Variants in BRAF observed in about 807,000 individuals in gnomAD.
The protein encoded by BRAF is B-Raf proto-oncogene, serine/threonine kinase.
In BRAF, 16 loss-of-function variants were observed where a neutral mutation model predicts 104.6. The observed-to-expected ratio is 0.15, with a 90% CI of 0.10 to 0.23. BRAF has a LOEUF of 0.23. Among genes scored for constraint, BRAF ranks in the 10% least tolerant of loss-of-function variants. The pLI is 1.00. For synonymous variants in BRAF, 310 were observed against 341.6 expected, an observed-to-expected ratio of 0.91 and a Z score of 1.02; for missense variants, 541 against 937.3, an observed-to-expected ratio of 0.58 and a Z score of 5.52.
At position 140,888,993 on chromosome 7, in the gene BRAF, A is replaced by G. The variant is rs138793081; in HGVS notation, c.138+35573T>C. On this transcript the variant is annotated intron_variant, in intron 1 of 19. Coordinates refer to ENST00000644969, the MANE Select transcript of BRAF (RefSeq NM_001374258.1). ...CACGGAAGCTGCTAAACATCCTACA[A>G]TACATAGTATTATTGCCCCACCCAA... Among the ~76,000 whole-genome samples, 189 of 152,200 alleles carry G rather than the reference A, an allele frequency of 1.2e-3. 1 individual carries two copies. The highest frequency in any genetic ancestry group is 4.1e-3 in the African/African-American group (170 of 41,536).
intron 19 of BRAF, chr7:140,733,958 C>G (rs1428568421): frequency 1.0e-6 from 1 of 996,402 alleles, no homozygotes; most frequent in East Asian, 6.9e-5. Flanking sequence ...AGACATTTTA[C>G]TCATGTCAAA....
chr7:140,834,339 A>G (rs1277263013), intron 3 of BRAF: 1 of 575,206 alleles, frequency 1.7e-6, no homozygotes, highest in Admixed American at 3.1e-5. Context: ...ATCCTGATTT[A>G]TTTTAAACTA....
In BRAF at chr7:140,850,093, T is replaced by C. The variant is rs368584855; in HGVS notation, c.240+18A>G. ...TTTTTCTTTTCAAAATTACTAGATA[T>C]GATACTCAAAAGCTTACCTCCAGAT... On this transcript the variant is annotated intron_variant, in intron 2 of 19. Coordinates refer to ENST00000644969, the MANE Select transcript of BRAF (RefSeq NM_001374258.1). The C allele has an allele frequency of 1.5e-4, 237 of 1,534,038 alleles. No individual in the cohort carries two copies. Among genetic ancestry groups the C allele is most frequent in the Middle Eastern group, 1.3e-3 (6 of 4,562 alleles).
intron 1 of BRAF, among the ~76,000 whole-genome samples, chr7:140,874,915 G>C (rs970170599): frequency 1.3e-5 from 2 of 152,112 alleles, no homozygotes; most frequent in African/African-American, 4.8e-5. Flanking sequence ...TCATTTAAAA[G>C]TATGTGGCAC....
chr7:140,790,965 A>G (rs1386103400), intron 8 of BRAF, among the ~76,000 whole-genome samples: 1 of 152,118 alleles, frequency 6.6e-6, no homozygotes, highest in East Asian at 1.9e-4. Context: ...GCTGGGCATG[A>G]TGGCGGGAGC....
In BRAF at chr7:140,721,113, T is replaced by TTACATTGGCTGTGTCCTCA. The variant is rs1399787030; in HGVS notation, c.*5362_*5380dup. On this transcript the variant is annotated 3_prime_UTR_variant, in exon 20 of 20. Transcript: ENST00000644969. ...ACCTCTAAAAAATGGATACACTGGCTTACATTGGCTGTGTCCTCATACACA... is the reference window on the plus strand; with the variant it reads ...ACCTCTAAAAAATGGATACACTGGCTTACATTGGCTGTGTCCTCATACATTGGCTGTGTCCTCATACACA... 1.2e-5 allele frequency: 13 copies of TTACATTGGCTGTGTCCTCA among 1,064,654 alleles called. No homozygotes were observed. Among genetic ancestry groups the TTACATTGGCTGTGTCCTCA allele is most frequent in the Non-Finnish European group, 1.5e-5 (13 of 878,916 alleles). The allele number at this position is 1,064,654 out of a possible 1,614,324, so 66.0% of individuals were successfully genotyped here.
intron 2 of BRAF, among the ~76,000 whole-genome samples, chr7:140,838,663 T>C (rs774530830): frequency 2.0e-5 from 3 of 151,916 alleles, no homozygotes; most frequent in South Asian, 4.1e-4. Context: ...AACAATCTTA[T>C]AAAAGAAAAA....
intron 1 of BRAF, among the ~76,000 whole-genome samples, chr7:140,851,012 G>A (rs947373241): frequency 1.3e-5 from 2 of 152,106 alleles, no homozygotes; most frequent in African/African-American, 2.4e-5. Context: ...CAATTAAATA[G>A]GGAAATTCCT....
At chr7:140,865,357 C>A (rs1250337027) in intron 1 of BRAF, among the ~76,000 whole-genome samples, 1 of 152,114 alleles carries the variant, frequency 6.6e-6, no homozygotes, top group Non-Finnish European at 1.5e-5. Context: ...TGGGATTACA[C>A]ACATGAGCCA....
chr7:140,828,295 C>T (rs1024816951), intron 3 of BRAF, among the ~76,000 whole-genome samples: 1 of 152,052 alleles, frequency 6.6e-6, no homozygotes, highest in African/African-American at 2.4e-5. Flanking sequence ...AGTTCGCAGG[C>T]CATACAAAAA....
At chr7:140,855,411 AT>A in intron 1 of BRAF, among the ~76,000 whole-genome samples, 1 of 152,196 alleles carries the variant, frequency 6.6e-6, no homozygotes, top group East Asian at 1.9e-4. Context: ...ATAACTGATC[AT>A]TTTTAGTGAC....
At position 140,720,278 on chromosome 7, in the gene BRAF, G is replaced by T; in HGVS notation, c.*6216C>A. On this transcript the variant is annotated 3_prime_UTR_variant, in exon 20 of 20. Transcript: ENST00000644969. ...CTCAAAAATCAGGCGATATCATGAAGGCCAAACTGAGTCTATATATGTGGC... is the reference window on the plus strand; with the variant it reads ...CTCAAAAATCAGGCGATATCATGAATGCCAAACTGAGTCTATATATGTGGC... 1 of 1,062,824 alleles carries T rather than the reference G, an allele frequency of 9.4e-7. No homozygotes were observed. Among genetic ancestry groups the T allele is most frequent in the Non-Finnish European group, 1.1e-6 (1 of 877,786 alleles). The allele number at this position is 1,062,824 out of a possible 1,614,324, so 65.8% of individuals were successfully genotyped here. A position where few individuals can be genotyped will look rare whatever the true frequency, so the allele number is the denominator to read the frequency against.
chr7:140,742,626 A>G (rs1312450608), intron 17 of BRAF, among the ~76,000 whole-genome samples: 1 of 152,214 alleles, frequency 6.6e-6, no homozygotes, highest in Non-Finnish European at 1.5e-5. Context: ...TTTCCCTGTT[A>G]TAACTGCCCT....
intron 3 of BRAF, among the ~76,000 whole-genome samples, chr7:140,817,426 A>G (rs1286814396): frequency 6.6e-6 from 1 of 152,192 alleles, no homozygotes; most frequent in Non-Finnish European, 1.5e-5. Flanking sequence ...AACACCAAAG[A>G]CATTCTTCAC....
chr7:140,751,674 G>C (rs1019249350), intron 16 of BRAF, among the ~76,000 whole-genome samples: 1 of 152,150 alleles, frequency 6.6e-6, no homozygotes, highest in Non-Finnish European at 1.5e-5. Context: ...GATCTTCTAA[G>C]TCCAATGTCC....
intron 1 of BRAF, among the ~76,000 whole-genome samples, chr7:140,918,974 C>T (rs1228013331): frequency 2.6e-5 from 4 of 151,752 alleles, no homozygotes; most frequent in Non-Finnish European, 5.9e-5. Context: ...CCCGTCTCTA[C>T]TAAAAATACA....
rs566456002 is a variant in BRAF at position 140,721,216 on chromosome 7, AAACTT to A, written c.*5273_*5277del. 2.8e-6 allele frequency: 3 copies of A among 1,083,844 alleles called. No homozygotes were observed. The highest frequency in any genetic ancestry group is 3.4e-6 in the Non-Finnish European group (3 of 891,862). The allele number at this position is 1,083,844 out of a possible 1,614,324, so 67.1% of individuals were successfully genotyped here. On this transcript the variant is annotated 3_prime_UTR_variant, in exon 20 of 20. Coordinates refer to ENST00000644969, the MANE Select transcript of BRAF (RefSeq NM_001374258.1). ...AATAAAGCTGATTTAGTAATTAATAAAACTTAACAGTTGAAGTTGTGGATGTTAAA... is the reference window on the plus strand; with the variant it reads ...AATAAAGCTGATTTAGTAATTAATAAAACAGTTGAAGTTGTGGATGTTAAA...
Position 140,769,705 on chromosome 7 carries a change from C to T in BRAF, c.1814+7207G>A, listed in dbSNP as rs369968352. Among the ~76,000 whole-genome samples the T allele has an allele frequency of 5.4e-4, 82 of 152,166 alleles. 1 individual carries two copies. The highest frequency in any genetic ancestry group is 1.5e-3 in the African/African-American group (63 of 41,500). ...CCTGATGAACATGTTTCCAATTTTT[C>T]AATAAGTTTTTCTTTTTTTAAAAAA... On this transcript the variant is annotated intron_variant, in intron 14 of 19. Coordinates refer to ENST00000644969, the MANE Select transcript of BRAF (RefSeq NM_001374258.1).
chr7:140,728,627 T>C (rs1202265419), intron 19 of BRAF, among the ~76,000 whole-genome samples: 2 of 152,142 alleles, frequency 1.3e-5, no homozygotes, highest in East Asian at 1.9e-4. Context: ...GAGGCTATTA[T>C]GGTAACACAC....
Sources: allele counts gnomAD v4.1 joint callset (sites outside exome capture counted in the v4.1 genomes callset), GRCh38; gene constraint gnomAD v4.1.1; transcripts MANE v1.5; gene names NCBI Gene and HGNC (gene_info 2026-07-23, HGNC 2026-07-21).